DMD: variants seen among roughly 807,000 people sequenced by gnomAD.
DMD encodes mutant dystrophin.
A neutral mutation model predicts 330.1 loss-of-function variants in DMD; 63 were observed. The observed-to-expected ratio is 0.19, with a 90% CI of 0.16 to 0.24. The LOEUF (loss-of-function observed/expected upper bound fraction) is 0.24. Ranked by LOEUF, DMD falls within the 10% of genes least tolerant of loss-of-function variation. The pLI, the probability that DMD is intolerant of heterozygous loss-of-function variation, is 1.00. For synonymous variants in DMD, 1,223 were observed against 959.8 expected (o/e 1.27, Z -5.07); for missense variants, 3,344 against 2,684.1 (o/e 1.25, Z -5.43).
At chrX:32,742,732 G>A (rs1002585001) in intron 7 of DMD, among the ~76,000 whole-genome samples, 4 of 112,031 alleles carry the variant, frequency 3.6e-5, no homozygotes, top group Non-Finnish European at 7.5e-5. Context: ...GAAAAAGGCT[G>A]GGGCCAAGAA....
At chrX:31,464,015 C>A (rs1038238966) in intron 59 of DMD, among the ~76,000 whole-genome samples, 4 of 111,167 alleles carry the variant, frequency 3.6e-5, no homozygotes, top group Non-Finnish European at 7.6e-5. Flanking sequence ...ACCCGAGACT[C>A]TTGAGGAATA....
intron 43 of DMD, among the ~76,000 whole-genome samples, chrX:32,254,667 G>T (rs146635290): frequency 9.3e-4 from 104 of 111,731 alleles, no homozygotes; most frequent in Middle Eastern, 4.7e-3. Context: ...ATCCACAATG[G>T]AAATGGAAAT....
chrX:31,850,546 T>C (rs151301729), intron 48 of DMD, among the ~76,000 whole-genome samples: 1 of 112,240 alleles, frequency 8.9e-6, no homozygotes, highest in Non-Finnish European at 1.9e-5. Context: ...GCTGGAACTT[T>C]AAAGGCAGTT....
chrX:32,901,664 AT>A (rs1339844910), intron 2 of DMD, among the ~76,000 whole-genome samples: 7 of 111,034 alleles, frequency 6.3e-5, no homozygotes, highest in Middle Eastern at 4.2e-3. Flanking sequence ...CCTTTTTAAA[AT>A]TTTTCATAAA....
intron 1 of DMD, among the ~76,000 whole-genome samples, chrX:33,144,205 G>A (rs1441104285): frequency 1.8e-5 from 2 of 111,221 alleles, no homozygotes; most frequent in Admixed American, 9.7e-5. Flanking sequence ...GTTCTCACGC[G>A]TATGTGGGAG....
chrX:33,012,973 G>T (rs1712657669), intron 2 of DMD, among the ~76,000 whole-genome samples: 1 of 110,886 alleles, frequency 9.0e-6, no homozygotes, highest in East Asian at 2.8e-4. Context: ...TTCAAAGGTA[G>T]ATTAAATCCT....
At chrX:31,126,756 GCTTC>G in intron 77 of DMD, 83 bp from the exon 78 acceptor site, 1 of 618,992 alleles carries the variant, frequency 1.6e-6, no homozygotes, top group Non-Finnish European at 2.5e-6. Flanking sequence ...ATACCAATTT[GCTTC>G]TTTTACCAAA....
At chrX:31,597,116 C>T (rs377580892) in intron 55 of DMD, among the ~76,000 whole-genome samples, 22 of 112,243 alleles carry the variant, frequency 2.0e-4, no homozygotes, top group African/African-American at 7.1e-4. Flanking sequence ...ATATTGAGAA[C>T]CTACTATTTG....
intron 62 of DMD, among the ~76,000 whole-genome samples, chrX:31,280,183 T>C (rs1247668420): frequency 8.9e-6 from 1 of 112,024 alleles, no homozygotes; most frequent in Non-Finnish European, 1.9e-5. Context: ...AAAGAACAAA[T>C]ACACATATAA....
intron 30 of DMD, among the ~76,000 whole-genome samples, chrX:32,394,916 C>CAAAAACAAAAAAAAAAAAACAAAA (rs2098030853): frequency 2.6e-5 from 1 of 39,034 alleles, no homozygotes; most frequent in African/African-American, 7.9e-5. Flanking sequence ...AACAAAAAAA[C>CAAAAACAAAAAAAAAAAAACAAAA]AAAAAAAAAA....
chrX:33,247,084 A>G (rs1307100552), intron 1 of DMD, among the ~76,000 whole-genome samples: 2 of 112,192 alleles, frequency 1.8e-5, no homozygotes, highest in Admixed American at 1.9e-4. Context: ...TTGAAAATGA[A>G]CTTTTATCAA....
chrX:32,311,998 A>G (rs772649625), intron 41 of DMD, among the ~76,000 whole-genome samples: 2 of 111,920 alleles, frequency 1.8e-5, no homozygotes, highest in African/African-American at 6.5e-5. Context: ...ATAGCTTCAC[A>G]TCATCTAAAG....
At chrX:31,867,923 T>C (rs2093828325) in intron 48 of DMD, among the ~76,000 whole-genome samples, 1 of 111,552 alleles carries the variant, frequency 9.0e-6, no homozygotes, top group Non-Finnish European at 1.9e-5. Flanking sequence ...TTTAAGTCTT[T>C]TGTCGTTCAC....
intron 1 of DMD, among the ~76,000 whole-genome samples, chrX:33,070,639 A>ATCTCTCTCTCTCTCTCTCTCTCTC (rs1291687487): frequency 4.7e-5 from 1 of 21,405 alleles, no homozygotes; most frequent in Non-Finnish European, 9.5e-5. Flanking sequence ...GTATCTATCC[A>ATCTCTCTCTCTCTCTCTCTCTCTC]TCTCTCTCTC....
chrX:32,998,151 A>T (rs1036167198), intron 2 of DMD, among the ~76,000 whole-genome samples: 1 of 109,587 alleles, frequency 9.1e-6, no homozygotes, highest in South Asian at 4.0e-4. Flanking sequence ...ACTTGAGCTC[A>T]AGCATTCAAG....
chrX:32,346,092 C>T lies in DMD; in HGVS notation c.5449-12G>A. The T allele has an allele frequency of 8.3e-7, 1 of 1,207,773 alleles. No individual in the cohort carries two copies. Among genetic ancestry groups the T allele is most frequent in the Non-Finnish European group, 1.1e-6 (1 of 892,823 alleles). Reference sequence around the variant, plus strand: ...TCATTGTCTTCATTCTGATCAAAAACAACAAGTACAGTCTTCATTTTGGTT... The same window carrying T: ...TCATTGTCTTCATTCTGATCAAAAATAACAAGTACAGTCTTCATTTTGGTT... On this transcript the variant is annotated splice_polypyrimidine_tract_variant and intron_variant, in intron 38 of 78. Coordinates refer to ENST00000357033, the MANE Select transcript of DMD (RefSeq NM_004006.3).
intron 44 of DMD, among the ~76,000 whole-genome samples, chrX:32,042,153 A>G (rs1358209340): frequency 3.2e-5 from 2 of 61,885 alleles, no homozygotes; most frequent in Admixed American, 1.6e-4. Flanking sequence ...ATATATACAT[A>G]CATATACACA....
At chrX:31,123,917 G>T (rs1453459223) in intron 78 of DMD, among the ~76,000 whole-genome samples, 1 of 111,553 alleles carries the variant, frequency 9.0e-6, no homozygotes, top group Non-Finnish European at 1.9e-5. Context: ...GGATGTAGAT[G>T]GCAGTTCAAA....
chrX:33,308,240 C>T (rs2053793676), intron 1 of DMD, among the ~76,000 whole-genome samples: 1 of 111,951 alleles, frequency 8.9e-6, no homozygotes, highest in Admixed American at 9.5e-5. Flanking sequence ...CCTAGTTTGC[C>T]TTCCTTCCTA....
Sources: gnomAD v4.1 joint callset for allele counts (sites outside exome capture counted in the v4.1 genomes callset) on GRCh38, gnomAD v4.1.1 for gene constraint, MANE v1.5 for transcripts, NCBI Gene and HGNC (gene_info 2026-07-23, HGNC 2026-07-21) for gene names.